CHST9: variants seen among roughly 807,000 people sequenced by gnomAD.
CHST9 encodes carbohydrate sulfotransferase 9.
Under a neutral mutation model 44.4 loss-of-function variants are expected in CHST9, and 41 were observed. That is an observed-to-expected ratio of 0.92 (90% CI 0.72 to 1.20). CHST9 has a LOEUF of 1.20. Ranked by LOEUF, CHST9 falls within the 50% of genes most tolerant of loss-of-function variation. CHST9 has a pLI of 0.00. For synonymous variants in CHST9, 171 were observed against 178.4 expected (o/e 0.96, Z 0.33); for missense variants, 504 against 516.5 (o/e 0.98, Z 0.23).
At chr18:27,159,003 A>G (rs2058722496) in intron 1 of CHST9, among the ~76,000 whole-genome samples, 1 of 152,152 alleles carries the variant, frequency 6.6e-6, no homozygotes, top group Non-Finnish European at 1.5e-5. Context: ...TAGATTCTGG[A>G]TATTAGCCCT....
At chr18:27,014,715 A>C (rs2057130013) in intron 4 of CHST9, among the ~76,000 whole-genome samples, 1 of 152,098 alleles carries the variant, frequency 6.6e-6, no homozygotes, top group Admixed American at 6.5e-5. Context: ...TGATTGATTG[A>C]AAAATATTTT....
In CHST9 at chr18:27,133,198, C is replaced by T. The variant is rs141806300; in HGVS notation, c.121+9491G>A. Among the ~76,000 whole-genome samples, 7 of 152,252 alleles carry T rather than the reference C, an allele frequency of 4.6e-5. No individual in the cohort carries two copies. In the East Asian group the frequency reaches 7.7e-4, roughly 17 times the overall value. ...AATATGGCAGTTCCTGGTACCACTT[C>T]GTAGATAGCAAGTGCATCATTGTTT... is the stretch of plus-strand genomic sequence containing the variant. On this transcript the variant is annotated intron_variant, in intron 2 of 5. Coordinates refer to ENST00000618847, the MANE Select transcript of CHST9 (RefSeq NM_031422.6).
At chr18:27,022,457 A>G (rs2057237639) in intron 4 of CHST9, among the ~76,000 whole-genome samples, 1 of 152,138 alleles carries the variant, frequency 6.6e-6, no homozygotes, top group Non-Finnish European at 1.5e-5. Context: ...TCTTTATGCA[A>G]AAGACTCTCA....
chr18:26,924,539 T>C (rs2055726902), intron 5 of CHST9: 9 of 782,424 alleles, frequency 1.2e-5, no homozygotes, highest in Non-Finnish European at 1.4e-5. Flanking sequence ...ATAATATTAC[T>C]CTTAATAATG....
intron 2 of CHST9, among the ~76,000 whole-genome samples, chr18:27,118,829 C>T (rs2058350662): frequency 6.6e-6 from 1 of 152,208 alleles, no homozygotes; most frequent in South Asian, 2.1e-4. Context: ...CACTATTCCT[C>T]TAACTTTTCC....
At chr18:27,103,221 T>A (rs1336502570) in intron 2 of CHST9, among the ~76,000 whole-genome samples, 1 of 152,150 alleles carries the variant, frequency 6.6e-6, no homozygotes, top group Non-Finnish European at 1.5e-5. Flanking sequence ...CAAGATGACA[T>A]AACAAGATAG....
At chr18:26,987,800 GC>G (rs2056771572) in intron 4 of CHST9, among the ~76,000 whole-genome samples, 1 of 152,100 alleles carries the variant, frequency 6.6e-6, no homozygotes, top group Non-Finnish European at 1.5e-5. Flanking sequence ...ACTTCAGAGA[GC>G]TTCCTTGCCC....
At chr18:27,001,898 A>G (rs947843555) in intron 4 of CHST9, among the ~76,000 whole-genome samples, 1 of 152,144 alleles carries the variant, frequency 6.6e-6, no homozygotes, top group Non-Finnish European at 1.5e-5. Flanking sequence ...AAGATGGGGG[A>G]AAGGCAGAGG....
chr18:26,943,853 T>C (rs2056121647), intron 5 of CHST9, among the ~76,000 whole-genome samples: 1 of 152,088 alleles, frequency 6.6e-6, no homozygotes, highest in Non-Finnish European at 1.5e-5. Context: ...CAACTGTGAG[T>C]AGAAACAAAA....
At chr18:27,087,854 T>C (rs1230513480) in intron 2 of CHST9, among the ~76,000 whole-genome samples, 1 of 152,202 alleles carries the variant, frequency 6.6e-6, no homozygotes, top group East Asian at 1.9e-4. Context: ...GCTTCTCCCG[T>C]ACACTTGTTG....
At chr18:27,117,935 A>T (rs563784924) in intron 2 of CHST9, among the ~76,000 whole-genome samples, 2 of 152,296 alleles carry the variant, frequency 1.3e-5, no homozygotes, top group Admixed American at 6.5e-5. Flanking sequence ...TGTATCACAT[A>T]AAAAAAGTAT....
At chr18:27,073,284 A>G (rs8089687) in intron 2 of CHST9, among the ~76,000 whole-genome samples, 51,432 of 151,374 alleles carry the variant, frequency 0.34, 8,810 homozygotes, top group South Asian at 0.43. Flanking sequence ...TCCTGTTGGA[A>G]TGCTGGCCTG....
intron 1 of CHST9, among the ~76,000 whole-genome samples, chr18:27,170,331 G>A (rs1277128884): frequency 6.6e-6 from 1 of 152,132 alleles, no homozygotes; most frequent in Non-Finnish European, 1.5e-5. Context: ...CTGCCAAATG[G>A]AAGTAACCTA....
Position 27,004,174 on chromosome 18 carries a change from AAGAT to A in CHST9, c.202+19938_202+19941del, listed in dbSNP as rs563381574. On this transcript the variant is annotated intron_variant, in intron 4 of 5. Coordinates refer to ENST00000618847, the MANE Select transcript of CHST9 (RefSeq NM_031422.6). ...CATAATGGGAGGAAGAACAGAATGA[AAGAT>A]AGGCTTGTAAAAAGGAAGAGCAAAT... Among the ~76,000 whole-genome samples the A allele has an allele frequency of 2.6e-3, 399 of 152,186 alleles. 2 individuals carry two copies. Among genetic ancestry groups the A allele is most frequent in the Non-Finnish European group, 4.6e-3 (316 of 68,000 alleles).
chr18:27,168,160 C>T (rs182673225), intron 1 of CHST9, among the ~76,000 whole-genome samples: 2,390 of 150,754 alleles, frequency 0.016, 53 homozygotes, highest in Admixed American at 0.057. Context: ...CTGCAAGCCC[C>T]GCCTCCCGGG....
intron 2 of CHST9, among the ~76,000 whole-genome samples, chr18:27,108,016 T>C (rs945332885): frequency 6.6e-6 from 1 of 152,170 alleles, no homozygotes; most frequent in Admixed American, 6.5e-5. Context: ...CAGAAATGAG[T>C]CTTCCATTTA....
chr18:26,968,428 G>A (rs1388309396), intron 4 of CHST9, among the ~76,000 whole-genome samples: 1 of 152,028 alleles, frequency 6.6e-6, no homozygotes, highest in Non-Finnish European at 1.5e-5. Context: ...GAGTGAGGTC[G>A]GTGCTTTTAT....
intron 1 of CHST9, among the ~76,000 whole-genome samples, chr18:27,173,846 G>A (rs2070867025): frequency 6.6e-6 from 1 of 151,860 alleles, no homozygotes; most frequent in Non-Finnish European, 1.5e-5. Flanking sequence ...CTAGCCTACA[G>A]AAATTAGCAA....
Position 27,142,755 on chromosome 18 carries a change from T to C in CHST9, c.55A>G (p.Ile19Val), listed in dbSNP as rs1211123190. 1.2e-6 allele frequency: 2 copies of C among 1,612,388 alleles called. No homozygotes were observed. The highest frequency in any genetic ancestry group is 2.2e-5 in the South Asian group (2 of 90,660). ...AGGAGTAGCCCAGCTACTCCAAATATCAGCACAGAGAGGAAGACTTGTTTG... is the reference window on the plus strand; with the variant it reads ...AGGAGTAGCCCAGCTACTCCAAATACCAGCACAGAGAGGAAGACTTGTTTG... ...NPKQVFLSVL[I>V]FGVAGLLLFM... Residue 19 changes from isoleucine to valine, a missense_variant, in exon 2 of 6, where the codon ATA becomes GTA. Transcript: ENST00000618847.
Sources: gnomAD v4.1 joint callset for allele counts (sites outside exome capture counted in the v4.1 genomes callset) on GRCh38, gnomAD v4.1.1 for gene constraint, MANE v1.5 for transcripts, NCBI Gene and HGNC (gene_info 2026-07-23, HGNC 2026-07-21) for gene names.